VAV1: variants seen among roughly 807,000 people sequenced by gnomAD.
VAV1 encodes the protein vav guanine nucleotide exchange factor 1, also known as proto-oncogene vav.
VAV1 carries 33 observed loss-of-function variants against 128.1 expected under a neutral mutation model. The ratio of observed to expected loss-of-function variants is 0.26; its 90% confidence interval spans 0.20 to 0.34. VAV1 has a LOEUF of 0.34. VAV1 is among the 10% of genes least tolerant of loss of function. VAV1 has a pLI of 1.00. For synonymous variants in VAV1, 394 were observed against 409.8 expected, an observed-to-expected ratio of 0.96 and a Z score of 0.47; for missense variants, 715 against 1,093.7, an observed-to-expected ratio of 0.65 and a Z score of 4.88.
intron 1 of VAV1, among the ~76,000 whole-genome samples, chr19:6,795,204 C>T (rs1971105011): frequency 6.6e-6 from 1 of 152,072 alleles, no homozygotes; most frequent in South Asian, 2.1e-4. Context: ...GCAGGGACCT[C>T]CAATTGGCTG....
At position 6,777,966 on chromosome 19, in the gene VAV1, A is replaced by G. The variant is rs116248082; in HGVS notation, c.204+4955A>G. ...CAGGCGCCTGCCACCACGCCTGGCT[A>G]ATTTCTGTTGCCCAGGCTGGAGTAC... On this transcript the variant is annotated intron_variant, in intron 1 of 26. Coordinates refer to ENST00000602142, the MANE Select transcript of VAV1 (RefSeq NM_005428.4). This position sits in a 1 kb window ranked among gnomAD's most constrained non-coding sequence, Gnocchi z 4.4. 0.018 allele frequency among the ~76,000 whole-genome samples: 2,705 copies of G among 151,708 alleles called. 92 individuals are homozygous for G. Among genetic ancestry groups the G allele is most frequent in the African/African-American group, 0.063 (2,598 of 41,346 alleles).
chr19:6,832,147 C>T lies in VAV1; in HGVS notation c.1455C>T (p.Phe485=), dbSNP rs780261774. The change falls in exon 15 of 27, where the codon TTC becomes TTT. Residue 485 remains phenylalanine (F), a synonymous_variant. Coordinates refer to ENST00000602142, the MANE Select transcript of VAV1 (RefSeq NM_005428.4). ...AAGGTGCCCAGGGCTATGAGCTGTT[C>T]TTCAAGACAAGAGAATTGAAGAAGA... ...EDQGAQGYEL[F]FKTRELKKKW... 11 of 1,614,026 alleles carry T rather than the reference C, an allele frequency of 6.8e-6. No homozygotes were observed. The highest frequency in any genetic ancestry group is 4.0e-5 in the African/African-American group (3 of 74,926).
Position 6,833,194 on chromosome 19 carries a change from T to C in VAV1, c.1519T>C (p.Tyr507His), listed in dbSNP as rs2144793221. 2 of 1,605,866 alleles carry C rather than the reference T, an allele frequency of 1.2e-6. No homozygotes were observed. The highest frequency in any genetic ancestry group is 3.4e-5 in the Admixed American group (2 of 58,424). The change falls in exon 16 of 27, where the codon TAT (tyrosine) becomes CAT (histidine). Residue 507 changes from tyrosine to histidine, a missense_variant. Around this residue, in one of 3 missense-constraint regions of VAV1, gnomAD observed 407 missense variants for 580.6 expected, o/e 0.70. Coordinates refer to ENST00000602142, the MANE Select transcript of VAV1 (RefSeq NM_005428.4). ...EQFEMAISNIYPENATANGHD... is the reference protein window; with the variant it reads ...EQFEMAISNIHPENATANGHD... ...ATTTTCCCCTGCCAGCTCCAACATC[T>C]ATCCGGAGAATGCCACCGCCAACGG...
chr19:6,838,120 T>TATCTATC (rs1370640492), intron 21 of VAV1, among the ~76,000 whole-genome samples: 7 of 151,714 alleles, frequency 4.6e-5, no homozygotes, highest in Admixed American at 1.3e-4. Flanking sequence ...TCTATCTATC[T>TATCTATC]ATCTATCTAT....
chr19:6,781,949 T>C (rs1463383649), intron 1 of VAV1, among the ~76,000 whole-genome samples: 1 of 152,164 alleles, frequency 6.6e-6, no homozygotes, highest in Non-Finnish European at 1.5e-5. Context: ...AAGTCAGGTA[T>C]TTGCTAGCTT....
intron 22 of VAV1, among the ~76,000 whole-genome samples, chr19:6,846,386 A>C (rs972213292): frequency 2.6e-5 from 4 of 151,094 alleles, no homozygotes; most frequent in African/African-American, 9.7e-5. Context: ...CAGGAGTTCG[A>C]GACCAGTTTG....
At position 6,783,698 on chromosome 19, in the gene VAV1, C is replaced by T. The variant is rs371401110; in HGVS notation, c.204+10687C>T. ...AGTCAGGGTGGTCTCGAACTCCTGA[C>T]CTCGGGTGATCCACTCGCCTCGGCC... On this transcript the variant is annotated intron_variant, in intron 1 of 26. Transcript: ENST00000602142. 3.3e-5 allele frequency among the ~76,000 whole-genome samples: 5 copies of T among 152,084 alleles called. No individual in the cohort carries two copies. The East Asian group carries it at 7.8e-4, about 24-fold the overall frequency.
At chr19:6,856,200 G>A (rs995806516) in intron 26 of VAV1, among the ~76,000 whole-genome samples, 3 of 152,138 alleles carry the variant, frequency 2.0e-5, no homozygotes, top group African/African-American at 7.2e-5. Flanking sequence ...GTTAAGCTGA[G>A]GCAGGAGAAT....
intron 26 of VAV1, among the ~76,000 whole-genome samples, 176 bp from the exon 27 acceptor site, chr19:6,856,872 ATGGGTG>A (rs1972817757): frequency 6.7e-6 from 1 of 148,550 alleles, no homozygotes; most frequent in South Asian, 2.1e-4. Context: ...TTAGGAGGTA[ATGGGTG>A]TGTGTGTGTG....
At position 6,776,237 on chromosome 19, in the gene VAV1, TATCC is replaced by T. The variant is rs1186230050; in HGVS notation, c.204+3246_204+3249del. 2.6e-3 allele frequency among the ~76,000 whole-genome samples: 282 copies of T among 107,990 alleles called. 2 individuals are homozygous for T. The highest frequency in any genetic ancestry group is 9.7e-3 in the African/African-American group (262 of 27,010). 70.8% of individuals were successfully genotyped at this position (107,990 alleles called of 152,430 possible). ...TCATCCATTTATCCATCCACTCATC[TATCC>T]ATCCATCCATCCATCCATCTGCTCA... On this transcript the variant is annotated intron_variant, in intron 1 of 26. Coordinates refer to ENST00000602142, the MANE Select transcript of VAV1 (RefSeq NM_005428.4).
At chr19:6,837,115 C>A in intron 21 of VAV1, 65 bp downstream of exon 21, 2 of 1,556,368 alleles carry the variant, frequency 1.3e-6, no homozygotes, top group Non-Finnish European at 1.8e-6. Context: ...GGAGGATGGA[C>A]AGACTTGGAA....
chr19:6,815,211 G>A (rs1010553974), intron 1 of VAV1, among the ~76,000 whole-genome samples: 1 of 152,014 alleles, frequency 6.6e-6, no homozygotes. Context: ...GCAGTGGTGC[G>A]ATCATAGCTC....
intron 21 of VAV1, among the ~76,000 whole-genome samples, chr19:6,840,147 A>G (rs1568313904): frequency 6.6e-6 from 1 of 152,298 alleles, no homozygotes; most frequent in East Asian, 1.9e-4. Context: ...AGCCCCTGAC[A>G]TTCACATTCT....
At chr19:6,810,475 G>C (rs546974925) in intron 1 of VAV1, among the ~76,000 whole-genome samples, 5 of 152,232 alleles carry the variant, frequency 3.3e-5, no homozygotes, top group Admixed American at 3.3e-4. Flanking sequence ...AGGCAGAGGT[G>C]GGTGGATCCC....
chr19:6,834,347 G>A (rs769833488), intron 19 of VAV1, among the ~76,000 whole-genome samples: 51 of 150,994 alleles, frequency 3.4e-4, no homozygotes, highest in Non-Finnish European at 6.0e-4. Flanking sequence ...AAGTTCAAGC[G>A]ATTCTCCTGC....
At chr19:6,799,615 C>T (rs1329355255) in intron 1 of VAV1, among the ~76,000 whole-genome samples, 5 of 152,000 alleles carry the variant, frequency 3.3e-5, no homozygotes, top group Non-Finnish European at 5.9e-5. Flanking sequence ...CCCCAGCCCC[C>T]GACAGGCCCC....
chr19:6,787,921 CA>C (rs1385725406), intron 1 of VAV1, among the ~76,000 whole-genome samples: 1 of 151,712 alleles, frequency 6.6e-6, no homozygotes, highest in East Asian at 1.9e-4. Context: ...CTAAAAAATA[CA>C]AAAAATTAGC....
chr19:6,843,916 T>C (rs146810540), intron 22 of VAV1, among the ~76,000 whole-genome samples: 1 of 152,144 alleles, frequency 6.6e-6, no homozygotes, highest in East Asian at 1.9e-4. Flanking sequence ...TGTTCTTTCA[T>C]AATGGCACAT....
chr19:6,774,828 C>T (rs1408283783), intron 1 of VAV1, among the ~76,000 whole-genome samples: 2 of 151,832 alleles, frequency 1.3e-5, no homozygotes, highest in East Asian at 3.9e-4. Context: ...AATCTTGGCT[C>T]ACTGCACCCT....
Sources: allele counts gnomAD v4.1 joint callset (sites outside exome capture counted in the v4.1 genomes callset), GRCh38; gene constraint gnomAD v4.1.1; regional missense constraint gnomAD v4.1.1; non-coding constraint Gnocchi (gnomAD v3.1); transcripts MANE v1.5; gene names NCBI Gene and HGNC (gene_info 2026-07-23, HGNC 2026-07-21).